PCDHB2: variants seen among roughly 807,000 people sequenced by gnomAD.
PCDHB2 encodes the protein protocadherin beta-2.
For synonymous variants in PCDHB2, 395 were observed against 464.9 expected (o/e 0.85, Z 1.93); for missense variants, 914 against 1,023.1 (o/e 0.89, Z 1.45).
In PCDHB2 at chr5:141,098,620, A is replaced by T. The variant is rs1171155760; in HGVS notation, c.*1433A>T. 1.3e-5 allele frequency: 2 copies of T among 152,318 alleles called. No homozygotes were observed. Among genetic ancestry groups the T allele is most frequent in the East Asian group, 3.9e-4 (2 of 5,194 alleles). 9.4% of individuals were successfully genotyped at this position (152,318 alleles called of 1,614,324 possible). Reference sequence around the variant, plus strand: ...ACTGGAATATTATAGGCTCTTAATAAAATTTTTGAATGATTGAAAGAGAGA... The same window carrying T: ...ACTGGAATATTATAGGCTCTTAATATAATTTTTGAATGATTGAAAGAGAGA... On this transcript the variant is annotated 3_prime_UTR_variant, in exon 1 of 1. Coordinates refer to ENST00000194155, the MANE Select transcript of PCDHB2 (RefSeq NM_018936.4).
Position 141,096,363 on chromosome 5 carries a change from G to A in PCDHB2, c.1573G>A (p.Ala525Thr). ...CGCTCTCCAGTCGCTGGACTACGAG[G>A]CCCTGCAGGCGTTCGAGTTCCGCGT... ...LFALQSLDYE[A>T]LQAFEFRVGA... The change falls in exon 1 of 1, where the codon GCC (alanine) becomes ACC (threonine). Residue 525 changes from alanine (A) to threonine (T), a missense_variant. By Grantham distance (58) the Ala-to-Thr change is moderately conservative. Coordinates refer to ENST00000194155, the MANE Select transcript of PCDHB2 (RefSeq NM_018936.4). 1 of 1,613,044 alleles carries A rather than the reference G, an allele frequency of 6.2e-7. No individual in the cohort carries two copies. Among genetic ancestry groups the A allele is most frequent in the Non-Finnish European group, 8.5e-7 (1 of 1,179,830 alleles).
rs782361768 is a variant in PCDHB2 at position 141,097,164 on chromosome 5, A to G, written c.2374A>G (p.Arg792Gly). Residue 792 changes from arginine to glycine, a missense_variant, in exon 1 of 1, where the codon AGG (arginine) becomes GGG (glycine). Physicochemically the swap from Arg to Gly is moderately radical, Grantham distance 125. Coordinates refer to ENST00000194155, the MANE Select transcript of PCDHB2 (RefSeq NM_018936.4). ...GGTTAGCGAGGCAAATCCCAGTTTC[A>G]GGAAGAGCTTTGAATTCACTTAAGT... ...ERVSEANPSFRKSFEFT is the reference protein window; with the variant it reads ...ERVSEANPSFGKSFEFT 5 of 1,606,736 alleles carry G rather than the reference A, an allele frequency of 3.1e-6. No individual in the cohort carries two copies. In the East Asian group the frequency reaches 6.7e-5, roughly 21 times the overall value.
Position 141,097,193 on chromosome 5 carries a change from A to T in PCDHB2, c.*6A>T, listed in dbSNP as rs1751854371. Reference sequence around the variant, plus strand: ...AGAGCTTTGAATTCACTTAAGTGTTAATAAGGATCTACTGAGGCTAGTCTC... The same window carrying T: ...AGAGCTTTGAATTCACTTAAGTGTTTATAAGGATCTACTGAGGCTAGTCTC... On this transcript the variant is annotated 3_prime_UTR_variant, in exon 1 of 1. Coordinates refer to ENST00000194155, the MANE Select transcript of PCDHB2 (RefSeq NM_018936.4). 6.2e-7 allele frequency: 1 copy of T among 1,602,238 alleles called. No homozygotes were observed. The highest frequency in any genetic ancestry group is 1.1e-5 in the South Asian group (1 of 89,398).
rs1751759690 is a variant in PCDHB2, at chr5:141,094,671, TC to T, written c.-118del. ...AGAGGAGGCTTTCTAAGGCGGTCGC[TC>T]CGGGAAATCCGGGCCCTAGGATTGT... On this transcript the variant is annotated 5_prime_UTR_variant, in exon 1 of 1. Transcript: ENST00000194155. 1 of 770,132 alleles carries T rather than the reference TC, an allele frequency of 1.3e-6. No homozygotes were observed. Among genetic ancestry groups the T allele is most frequent in the Non-Finnish European group, 2.0e-6 (1 of 496,734 alleles). 47.7% of individuals were successfully genotyped at this position (770,132 alleles called of 1,614,324 possible).
In PCDHB2 at chr5:141,095,868, G is replaced by C. The variant is rs1554271349; in HGVS notation, c.1078G>C (p.Glu360Gln). ...GTCGACACTTATCAATCAGATCCCA[G>C]AAAACTTGCAGGACACCCTCATTGC... Reference protein sequence around the residue: ...TMSTLINQIPENLQDTLIAVF... With the variant: ...TMSTLINQIPQNLQDTLIAVF... Residue 360 changes from glutamate (E) to glutamine (Q), a missense_variant, in exon 1 of 1, where the codon GAA becomes CAA. Transcript: ENST00000194155. 6.2e-7 allele frequency: 1 copy of C among 1,614,020 alleles called. No individual in the cohort carries two copies. The highest frequency in any genetic ancestry group is 1.7e-5 in the Admixed American group (1 of 59,976).
Position 141,095,030 on chromosome 5 carries a change from T to C in PCDHB2, c.240T>C (p.Asp80=), listed in dbSNP as rs148688289. ...GAAAAAAAATGCATTTGCAGTTCGA[T>C]AGGCAGACCGGGGATTTGTTGTTAA... ...SKGKKMHLQF[D]RQTGDLLLNE... is the part of the protein sequence containing the mutation. Residue 80 remains aspartate (D), a synonymous_variant, in exon 1 of 1, where the codon GAT becomes GAC. Coordinates refer to ENST00000194155, the MANE Select transcript of PCDHB2 (RefSeq NM_018936.4). The C allele has an allele frequency of 7.5e-4, 1,215 of 1,613,836 alleles. 2 individuals are homozygous for C. The highest frequency in any genetic ancestry group is 9.5e-4 in the Non-Finnish European group (1,119 of 1,179,976).
At position 141,095,162 on chromosome 5, in the gene PCDHB2, G is replaced by C; in HGVS notation, c.372G>C (p.Arg124=). 6.2e-7 allele frequency: 1 copy of C among 1,612,266 alleles called. No individual in the cohort carries two copies. Among genetic ancestry groups the C allele is most frequent in the African/African-American group, 1.3e-5 (1 of 74,880 alleles). The change falls in exon 1 of 1, where the codon CGG becomes CGC. Residue 124 remains arginine (R), a synonymous_variant. Coordinates refer to ENST00000194155, the MANE Select transcript of PCDHB2 (RefSeq NM_018936.4). ...NPLQFFQAEL[R]IRDVNDHSPV... is the part of the protein sequence containing the mutation. Reference sequence around the variant, plus strand: ...TGCAGTTTTTTCAGGCGGAGCTACGGATTAGGGACGTAAATGATCATTCCC... The same window carrying C: ...TGCAGTTTTTTCAGGCGGAGCTACGCATTAGGGACGTAAATGATCATTCCC...
In PCDHB2 at chr5:141,094,982, G is replaced by A. The variant is rs782596765; in HGVS notation, c.192G>A (p.Arg64=). ...TGGAGATAGGAGAACTTGCTGTGAG[G>A]GGGGCCAGGGTCGTTTCCAAAGGAA... ...LGLEIGELAV[R]GARVVSKGKK... The change falls in exon 1 of 1, where the codon AGG becomes AGA. Residue 64 remains arginine (R), a synonymous_variant. Transcript: ENST00000194155. The A allele has an allele frequency of 2.5e-6, 4 of 1,613,654 alleles. No homozygotes were observed. The highest frequency in any genetic ancestry group is 3.4e-6 in the Non-Finnish European group (4 of 1,179,888).
At position 141,098,630 on chromosome 5, in the gene PCDHB2, ATGAT is replaced by A. The variant is rs1476571997; in HGVS notation, c.*1447_*1450del. On this transcript the variant is annotated 3_prime_UTR_variant, in exon 1 of 1. Coordinates refer to ENST00000194155, the MANE Select transcript of PCDHB2 (RefSeq NM_018936.4). The stretch of plus-strand genomic sequence containing the variant: ...TATAGGCTCTTAATAAAATTTTTGA[ATGAT>A]TGAAAGAGAGAAAAGTATTTTACCT... 2.0e-5 allele frequency: 3 copies of A among 152,318 alleles called. No homozygotes were observed. The highest frequency in any genetic ancestry group is 4.4e-5 in the Non-Finnish European group (3 of 68,008). The allele number at this position is 152,318 out of a possible 1,614,324, so 9.4% of individuals were successfully genotyped here. A position where few individuals can be genotyped will look rare whatever the true frequency, so the allele number is the denominator to read the frequency against.
At position 141,096,417 on chromosome 5, in the gene PCDHB2, T is replaced by C. The variant is rs782478795; in HGVS notation, c.1627T>C (p.Leu543=). The C allele has an allele frequency of 1.1e-5, 18 of 1,611,722 alleles. No homozygotes were observed. The African/African-American group carries it at 1.5e-4, about 13-fold the overall frequency. The change falls in exon 1 of 1, where the codon TTG becomes CTG. Residue 543 remains leucine (L), a synonymous_variant. Transcript: ENST00000194155. ...VGAADRGSPA[L]SSEALVRVLV... ...CGCCGCAGACCGCGGCTCCCCGGCG[T>C]TGAGCAGCGAGGCGCTGGTGCGCGT...
In PCDHB2 at chr5:141,095,120, G is replaced by T. The variant is rs2149611733; in HGVS notation, c.330G>T (p.Val110=). ...PTEPCVLPFQ[V]LLENPLQFFQ... ...AGCCCTGTGTCCTACCTTTCCAGGT[G>T]TTACTAGAAAATCCCTTGCAGTTTT... is the stretch of plus-strand genomic sequence containing the variant. Residue 110 remains valine, a synonymous_variant, in exon 1 of 1, where the codon GTG becomes GTT. Transcript: ENST00000194155. 1.2e-6 allele frequency: 2 copies of T among 1,614,036 alleles called. No individual in the cohort carries two copies. Among genetic ancestry groups the T allele is most frequent in the South Asian group, 2.2e-5 (2 of 91,052 alleles).
chr5:141,096,699 G>C lies in PCDHB2; in HGVS notation c.1909G>C (p.Ala637Pro). Residue 637 changes from alanine to proline, a missense_variant, in exon 1 of 1, where the codon GCT becomes CCT. Ala to Pro is a conservative substitution (Grantham distance 27). Coordinates refer to ENST00000194155, the MANE Select transcript of PCDHB2 (RefSeq NM_018936.4). ...CGCCAGGCTGCTGAGGGAGCGCGAC[G>C]CTGCCAAGCAGAGGCTGGTGGTGCT... ...RTARLLRERD[A>P]AKQRLVVLVK... 1 of 1,610,614 alleles carries C rather than the reference G, an allele frequency of 6.2e-7. No homozygotes were observed.
In PCDHB2 at chr5:141,097,137, A is replaced by G; in HGVS notation, c.2347A>G (p.Arg783Gly). Residue 783 changes from arginine to glycine, a missense_variant, in exon 1 of 1, where the codon AGG (arginine) becomes GGG (glycine). Arg to Gly is a moderately radical substitution (Grantham distance 125). Coordinates refer to ENST00000194155, the MANE Select transcript of PCDHB2 (RefSeq NM_018936.4). ...IPNFVAQGAE[R>G]VSEANPSFRK... ...CAACTTCGTTGCTCAGGGTGCAGAG[A>G]GGGTTAGCGAGGCAAATCCCAGTTT... The G allele has an allele frequency of 6.2e-7, 1 of 1,604,598 alleles. No individual in the cohort carries two copies. Among genetic ancestry groups the G allele is most frequent in the South Asian group, 1.1e-5 (1 of 89,448 alleles).
rs782400194 is a variant in PCDHB2, at chr5:141,095,817, A to C, written c.1027A>C (p.Asn343His). The C allele has an allele frequency of 6.2e-7, 1 of 1,614,110 alleles. No homozygotes were observed. Among genetic ancestry groups the C allele is most frequent in the Non-Finnish European group, 8.5e-7 (1 of 1,179,996 alleles). ...CVVFVQVMDL[N>H]DNPPELTMST... ...GGTATTTGTCCAAGTGATGGATTTG[A>C]ATGACAATCCTCCGGAACTAACTAT... Residue 343 changes from asparagine (N) to histidine (H), a missense_variant, in exon 1 of 1, where the codon AAT becomes CAT. Coordinates refer to ENST00000194155, the MANE Select transcript of PCDHB2 (RefSeq NM_018936.4).
chr5:141,098,255 C>G lies in PCDHB2; in HGVS notation c.*1068C>G, dbSNP rs552732213. On this transcript the variant is annotated 3_prime_UTR_variant, in exon 1 of 1. Coordinates refer to ENST00000194155, the MANE Select transcript of PCDHB2 (RefSeq NM_018936.4). Reference sequence around the variant, plus strand: ...AGCCCTCTGCTTATTCCAGTCCCCCCCTTTAAAATCTTTTAAAATTATTAA... The same window carrying G: ...AGCCCTCTGCTTATTCCAGTCCCCCGCTTTAAAATCTTTTAAAATTATTAA... The G allele has an allele frequency of 8.5e-5, 13 of 152,270 alleles. No homozygotes were observed. The highest frequency in any genetic ancestry group is 2.9e-4 in the African/African-American group (12 of 41,552). The allele number at this position is 152,270 out of a possible 1,614,324, so 9.4% of individuals were successfully genotyped here. A position where few individuals can be genotyped will look rare whatever the true frequency, so the allele number is the denominator to read the frequency against.
rs782595310 is a variant in PCDHB2, at chr5:141,096,807, C to T, written c.2017C>T (p.Leu673=). 2.5e-6 allele frequency: 4 copies of T among 1,610,364 alleles called. No individual in the cohort carries two copies. Among genetic ancestry groups the T allele is most frequent in the Non-Finnish European group, 3.4e-6 (4 of 1,179,708 alleles). Residue 673 remains leucine, a synonymous_variant, in exon 1 of 1, where the codon CTG becomes TTG. Transcript: ENST00000194155. ...LLVDGFSQPY[L]LLPEAAPAQA... is the part of the protein sequence containing the mutation. The stretch of plus-strand genomic sequence containing the variant: ...GGTGGACGGCTTCTCCCAGCCCTAC[C>T]TGCTGCTCCCGGAGGCGGCACCGGC...
Position 141,095,072 on chromosome 5 carries a change from G to A in PCDHB2, c.282G>A (p.Arg94=). 6.2e-7 allele frequency: 1 copy of A among 1,614,170 alleles called. No individual in the cohort carries two copies. The highest frequency in any genetic ancestry group is 2.2e-5 in the East Asian group (1 of 44,872). ...GDLLLNEKLD[R]EELCGPTEPC... ...TGTTGTTAAATGAGAAATTGGACCGGGAGGAGCTGTGCGGCCCCACAGAGC... is the reference window on the plus strand; with the variant it reads ...TGTTGTTAAATGAGAAATTGGACCGAGAGGAGCTGTGCGGCCCCACAGAGC... The change falls in exon 1 of 1, where the codon CGG becomes CGA. Residue 94 remains arginine, a synonymous_variant. Transcript: ENST00000194155.
rs375351820 is a variant in PCDHB2 at position 141,097,182 on chromosome 5, A to C, written c.2392A>C (p.Thr798Pro). ...CAGTTTCAGGAAGAGCTTTGAATTC[A>C]CTTAAGTGTTAATAAGGATCTACTG... ...NPSFRKSFEF[T>P] Residue 798 changes from threonine to proline, a missense_variant, in exon 1 of 1, where the codon ACT (threonine) becomes CCT (proline). Thr to Pro is a conservative substitution (Grantham distance 38). Coordinates refer to ENST00000194155, the MANE Select transcript of PCDHB2 (RefSeq NM_018936.4). 8 of 1,606,732 alleles carry C rather than the reference A, an allele frequency of 5.0e-6. No homozygotes were observed. In the African/African-American group the frequency reaches 9.4e-5, roughly 19 times the overall value.
chr5:141,095,260 A>G lies in PCDHB2; in HGVS notation c.470A>G (p.Glu157Gly). 6.2e-7 allele frequency: 1 copy of G among 1,614,114 alleles called. No homozygotes were observed. The highest frequency in any genetic ancestry group is 8.5e-7 in the Non-Finnish European group (1 of 1,179,974). ...ACTCCTGGAACTACTTTCTTAATAGAACGTGCCCAGGACTTGGATGTAGGA... is the reference window on the plus strand; with the variant it reads ...ACTCCTGGAACTACTTTCTTAATAGGACGTGCCCAGGACTTGGATGTAGGA... ...SITPGTTFLI[E>G]RAQDLDVGTN... Residue 157 changes from glutamate to glycine, a missense_variant, in exon 1 of 1, where the codon GAA (glutamate) becomes GGA (glycine). By Grantham distance (98) the Glu-to-Gly change is moderately conservative. Transcript: ENST00000194155.
Sources: allele counts gnomAD v4.1 joint callset, GRCh38; gene constraint gnomAD v4.1.1; transcripts MANE v1.5; gene names NCBI Gene and HGNC (gene_info 2026-07-23, HGNC 2026-07-21).